YWHAE: variants seen among roughly 807,000 people sequenced by gnomAD.
YWHAE encodes the protein tyrosine 3-monooxygenase/tryptophan 5-monooxygenase activation protein epsilon.
YWHAE carries 4 observed loss-of-function variants against 30.1 expected under a neutral mutation model. The ratio of observed to expected loss-of-function variants is 0.13; its 90% CI spans 0.07 to 0.30. YWHAE has a LOEUF of 0.30. YWHAE is among the 10% of genes least tolerant of loss of function. The pLI, the probability that YWHAE is intolerant of heterozygous loss-of-function variation, is 1.00. For synonymous variants in YWHAE, 118 were observed against 111.8 expected (o/e 1.06, Z -0.35); for missense variants, 121 against 315.9 (o/e 0.38, Z 4.68).
chr17:1,373,777 C>G (rs570299650), intron 1 of YWHAE, among the ~76,000 whole-genome samples: 1 of 152,108 alleles, frequency 6.6e-6, no homozygotes, highest in Non-Finnish European at 1.5e-5. Flanking sequence ...TTGCTCAAAG[C>G]GGGTTCCAGA....
At chr17:1,390,941 T>C (rs916931036) in intron 1 of YWHAE, among the ~76,000 whole-genome samples, 1 of 152,202 alleles carries the variant, frequency 6.6e-6, no homozygotes, top group African/African-American at 2.4e-5. Context: ...ACATAACAGT[T>C]GTAACAAGAT....
intron 1 of YWHAE, chr17:1,399,265 G>A (rs530842136): frequency 5.3e-5 from 8 of 152,184 alleles, no homozygotes; most frequent in Non-Finnish European, 1.2e-4. Context: ...CCTGTTTTAA[G>A]TCTGAGGAAA....
intron 1 of YWHAE, among the ~76,000 whole-genome samples, chr17:1,372,511 TTCA>T (rs1567971799): frequency 6.6e-6 from 1 of 152,356 alleles, no homozygotes; most frequent in East Asian, 1.9e-4. Flanking sequence ...CTGACTCAGC[TTCA>T]TCATTTCTAC....
At chr17:1,370,936 C>CT (rs1179602129) in intron 1 of YWHAE, among the ~76,000 whole-genome samples, 4 of 151,896 alleles carry the variant, frequency 2.6e-5, no homozygotes, top group African/African-American at 7.2e-5. Flanking sequence ...GGAGGCGGAG[C>CT]TGCAGTGAGC....
intron 1 of YWHAE, among the ~76,000 whole-genome samples, chr17:1,396,245 C>T (rs2073469665): frequency 6.6e-6 from 1 of 151,960 alleles, no homozygotes; most frequent in South Asian, 2.1e-4. Context: ...CATGGAGAAA[C>T]CGTGTCTCTA....
intron 1 of YWHAE, among the ~76,000 whole-genome samples, chr17:1,396,928 T>A (rs1204294644): frequency 6.8e-6 from 1 of 146,444 alleles, no homozygotes; most frequent in Non-Finnish European, 1.5e-5. Flanking sequence ...GGCCTCTTTT[T>A]TTTTTTTTTG....
chr17:1,391,663 T>C (rs184375055), intron 1 of YWHAE, among the ~76,000 whole-genome samples: 32 of 152,304 alleles, frequency 2.1e-4, no homozygotes, highest in Admixed American at 1.2e-3. Context: ...ATTCGTCAAT[T>C]TGGATATATC....
chr17:1,391,261 CTT>C (rs1251940178), intron 1 of YWHAE, among the ~76,000 whole-genome samples: 3 of 151,904 alleles, frequency 2.0e-5, no homozygotes, highest in Admixed American at 2.0e-4. Context: ...TTTCCTTTGA[CTT>C]ATATTCTGCC....
intron 1 of YWHAE, among the ~76,000 whole-genome samples, chr17:1,369,441 C>G (rs1255238096): frequency 6.6e-6 from 1 of 152,130 alleles, no homozygotes; most frequent in African/African-American, 2.4e-5. Flanking sequence ...TTGCAGTGAC[C>G]CGAGATGGCT....
chr17:1,368,255 G>C (rs908240219), intron 1 of YWHAE, among the ~76,000 whole-genome samples: 2 of 152,104 alleles, frequency 1.3e-5, no homozygotes, highest in African/African-American at 2.4e-5. Context: ...GCACATGCCT[G>C]TAATCCCAGC....
chr17:1,393,905 A>C (rs907011365), intron 1 of YWHAE, among the ~76,000 whole-genome samples: 2 of 152,226 alleles, frequency 1.3e-5, no homozygotes, highest in Non-Finnish European at 2.9e-5. Flanking sequence ...TCTGAAAAAA[A>C]CCATCAGGTT....
chr17:1,387,924 C>CTGTTTT (rs2073324371), intron 1 of YWHAE, among the ~76,000 whole-genome samples: 1 of 75,718 alleles, frequency 1.3e-5, no homozygotes, highest in Non-Finnish European at 2.3e-5. Context: ...CTGCACCTGG[C>CTGTTTT]TTTTTTTTTT....
intron 1 of YWHAE, chr17:1,399,741 C>CT: frequency 8.2e-6 from 3 of 365,926 alleles, no homozygotes; most frequent in South Asian, 2.2e-5. Context: ...CCGCCATCTC[C>CT]TCCCCCTCCC....
intron 1 of YWHAE, among the ~76,000 whole-genome samples, chr17:1,390,430 T>C (rs933536544): frequency 6.6e-6 from 1 of 152,226 alleles, no homozygotes; most frequent in African/African-American, 2.4e-5. Context: ...AGGTAGGTTA[T>C]CATCTAATAT....
chr17:1,358,938 T>G (rs1383944623), intron 4 of YWHAE, among the ~76,000 whole-genome samples: 1 of 150,012 alleles, frequency 6.7e-6, no homozygotes, highest in African/African-American at 2.5e-5. Context: ...AGTTCGAGAC[T>G]AGCCTGGCCA....
intron 5 of YWHAE, among the ~76,000 whole-genome samples, chr17:1,346,934 C>T (rs1306116429): frequency 4.1e-5 from 6 of 146,980 alleles, no homozygotes; most frequent in South Asian, 2.1e-4. Context: ...GAGGTTGCAG[C>T]GAGCCAAGAA....
intron 4 of YWHAE, among the ~76,000 whole-genome samples, chr17:1,357,570 A>G: frequency 6.6e-6 from 1 of 151,442 alleles, no homozygotes; most frequent in Non-Finnish European, 1.5e-5. Context: ...GCAGAGTGAG[A>G]CTCCGTCAAA....
intron 1 of YWHAE, among the ~76,000 whole-genome samples, chr17:1,394,416 A>G (rs928296986): frequency 2.9e-5 from 4 of 138,934 alleles, no homozygotes; most frequent in Non-Finnish European, 6.1e-5. Flanking sequence ...AGCCTGGGCA[A>G]CATAGAGACC....
At chr17:1,394,106 T>C (rs2073428327) in intron 1 of YWHAE, among the ~76,000 whole-genome samples, 5 of 152,178 alleles carry the variant, frequency 3.3e-5, no homozygotes, top group African/African-American at 2.4e-5. Flanking sequence ...AGAGTAAGTG[T>C]ACCGATCTAA....
Sources: allele counts gnomAD v4.1 joint callset (sites outside exome capture counted in the v4.1 genomes callset), GRCh38; gene constraint gnomAD v4.1.1; transcripts MANE v1.5; gene names NCBI Gene and HGNC (gene_info 2026-07-23, HGNC 2026-07-21).